The following ZSWIM9 variants were observed in gnomAD, a reference collection of about 807,000 sequenced individuals.
ZSWIM9 encodes the protein zinc finger SWIM-type containing 9.
ZSWIM9 carries 11 observed loss-of-function variants against 25.0 expected under a neutral mutation model. The observed-to-expected ratio is 0.44, with a 90% CI of 0.28 to 0.73. The LOEUF (loss-of-function observed/expected upper bound fraction) is 0.73. Among genes scored for constraint, ZSWIM9 ranks in the 30% least tolerant of loss-of-function variants. ZSWIM9 has a pLI of 0.16. For synonymous variants in ZSWIM9, 562 were observed against 582.1 expected, an observed-to-expected ratio of 0.97 and a Z score of 0.50; for missense variants, 1,070 against 1,296.5, an observed-to-expected ratio of 0.83 and a Z score of 2.68.
At position 48,194,994 on chromosome 19, in the gene ZSWIM9, C is replaced by A; in HGVS notation, c.930C>A (p.Pro310=). 1 of 1,342,952 alleles carries A rather than the reference C, an allele frequency of 7.4e-7. No individual in the cohort carries two copies. Among genetic ancestry groups the A allele is most frequent in the Non-Finnish European group, 9.5e-7 (1 of 1,052,828 alleles). 83.2% of individuals were successfully genotyped at this position (1,342,952 alleles called of 1,614,324 possible). Residue 310 remains proline (P), a synonymous_variant, in exon 4 of 4, where the codon CCC becomes CCA. Transcript: ENST00000614654. The surrounding 1 kb of genome is among the most constrained non-coding windows in gnomAD (Gnocchi z 6.0). ...TGCCTGCAGTGCGCCAGCTGCTGCCCTGCGCGCGCGTGCAGATCTGCCGCG... is the reference window on the plus strand; with the variant it reads ...TGCCTGCAGTGCGCCAGCTGCTGCCATGCGCGCGCGTGCAGATCTGCCGCG... ...AQLPAVRQLL[P]CARVQICRAQ... is the part of the protein sequence containing the mutation.
chr19:48,186,492 G>C (rs2037013209), intron 3 of ZSWIM9: 1 of 152,976 alleles, frequency 6.5e-6, no homozygotes, highest in African/African-American at 2.4e-5. Context: ...GTAGAGACGA[G>C]GTTTCACCAT....
In ZSWIM9 at chr19:48,194,931, G is replaced by C; in HGVS notation, c.867G>C (p.Val289=). ...LQSAPDVKGR[V]RCLTAGPEVA... is the part of the protein sequence containing the mutation. ...GCGCGCCAGACGTCAAGGGCCGCGT[G>C]CGCTGCCTCACCGCCGGGCCCGAGG... is the stretch of plus-strand genomic sequence containing the variant. Residue 289 remains valine (V), a synonymous_variant, in exon 4 of 4, where the codon GTG becomes GTC. Transcript: ENST00000614654. This position sits in a 1 kb window ranked among gnomAD's most constrained non-coding sequence, Gnocchi z 6.0. 1 of 1,321,236 alleles carries C rather than the reference G, an allele frequency of 7.6e-7. No individual in the cohort carries two copies. Among genetic ancestry groups the C allele is most frequent in the Non-Finnish European group, 9.6e-7 (1 of 1,037,054 alleles). The allele number at this position is 1,321,236 out of a possible 1,614,324, so 81.8% of individuals were successfully genotyped here.
rs2037177516 is a variant in ZSWIM9 at position 48,197,145 on chromosome 19, G to A, written c.*318G>A. The A allele has an allele frequency of 5.8e-6, 4 of 692,970 alleles. No homozygotes were observed. Among genetic ancestry groups the A allele is most frequent in the Non-Finnish European group, 7.9e-6 (3 of 380,476 alleles). 42.9% of individuals were successfully genotyped at this position (692,970 alleles called of 1,614,324 possible). ...GGACAGAAGGAAGGAAAGGGGCAGA[G>A]CTGGGGGGAGGGGGAGGAAGCGATC... is the stretch of plus-strand genomic sequence containing the variant. On this transcript the variant is annotated 3_prime_UTR_variant, in exon 4 of 4. Transcript: ENST00000614654.
At chr19:48,171,561 G>A (rs1186303661) in intron 1 of ZSWIM9, among the ~76,000 whole-genome samples, 1 of 152,122 alleles carries the variant, frequency 6.6e-6, no homozygotes, top group Non-Finnish European at 1.5e-5. Flanking sequence ...GTTGGAATTA[G>A]GAATCAAGAT....
In ZSWIM9 at chr19:48,195,064, G is replaced by A; in HGVS notation, c.1000G>A (p.Gly334Ser). The A allele has an allele frequency of 1.5e-6, 2 of 1,372,706 alleles. No homozygotes were observed. The highest frequency in any genetic ancestry group is 1.9e-6 in the Non-Finnish European group (2 of 1,071,924). The allele number at this position is 1,372,706 out of a possible 1,614,324, so 85.0% of individuals were successfully genotyped here. ...TLFSKAQELG[G>S]AGREDPGLWS... ...CTTCAGCAAGGCGCAGGAGCTGGGC[G>A]GCGCCGGCCGCGAGGACCCGGGCCT... Residue 334 changes from glycine (G) to serine (S), a missense_variant, in exon 4 of 4, where the codon GGC becomes AGC. Coordinates refer to ENST00000614654, the MANE Select transcript of ZSWIM9 (RefSeq NM_199341.4). This position sits in a 1 kb window ranked among gnomAD's most constrained non-coding sequence, Gnocchi z 5.8.
chr19:48,181,734 A>G (rs1387737639), intron 2 of ZSWIM9: 9 of 152,198 alleles, frequency 5.9e-5, no homozygotes, highest in Admixed American at 5.2e-4. Context: ...GTCCTCATCA[A>G]CACTTGATGT....
chr19:48,187,450 T>TAC (rs1351918551), intron 3 of ZSWIM9, among the ~76,000 whole-genome samples: 1 of 103,972 alleles, frequency 9.6e-6, no homozygotes, highest in African/African-American at 3.8e-5. Context: ...ATATTATATA[T>TAC]TATATATTAA....
rs1379090278 is a variant in ZSWIM9, at chr19:48,196,993, C to A, written c.*166C>A. 3 of 663,850 alleles carry A rather than the reference C, an allele frequency of 4.5e-6. No individual in the cohort carries two copies. The highest frequency in any genetic ancestry group is 6.9e-6 in the Non-Finnish European group (3 of 436,216). The allele number at this position is 663,850 out of a possible 1,614,324, so 41.1% of individuals were successfully genotyped here. On this transcript the variant is annotated 3_prime_UTR_variant, in exon 4 of 4. Coordinates refer to ENST00000614654, the MANE Select transcript of ZSWIM9 (RefSeq NM_199341.4). ...CAGTTTGCCTCTCTGGGTCCAAGGG[C>A]AAGCTGTAAGTGGTCTCTGAGGTCC...
At chr19:48,183,060 G>A (rs968150447) in intron 3 of ZSWIM9, 2 of 422,442 alleles carry the variant, frequency 4.7e-6, no homozygotes, top group East Asian at 4.6e-5. Flanking sequence ...AGTGGCTACT[G>A]AGCACTTGAA....
At position 48,196,966 on chromosome 19, in the gene ZSWIM9, G is replaced by A. The variant is rs1449238645; in HGVS notation, c.*139G>A. The A allele has an allele frequency of 2.2e-6, 2 of 901,342 alleles. No homozygotes were observed. Among genetic ancestry groups the A allele is most frequent in the East Asian group, 6.0e-5 (2 of 33,324 alleles). 55.8% of individuals were successfully genotyped at this position (901,342 alleles called of 1,614,324 possible). On this transcript the variant is annotated 3_prime_UTR_variant, in exon 4 of 4. Coordinates refer to ENST00000614654, the MANE Select transcript of ZSWIM9 (RefSeq NM_199341.4). ...CTGGGTCATCCAGGGACCTCCTCATGGCAGTTTGCCTCTCTGGGTCCAAGG... is the reference window on the plus strand; with the variant it reads ...CTGGGTCATCCAGGGACCTCCTCATAGCAGTTTGCCTCTCTGGGTCCAAGG...
At chr19:48,179,742 C>T (rs145283271) in intron 2 of ZSWIM9, among the ~76,000 whole-genome samples, 3 of 152,284 alleles carry the variant, frequency 2.0e-5, no homozygotes, top group African/African-American at 2.4e-5. Flanking sequence ...TTTGAAAATC[C>T]GAGTGAAAAG....
In ZSWIM9 at chr19:48,195,885, C is replaced by T. The variant is rs1396222178; in HGVS notation, c.1821C>T (p.Thr607=). 7.1e-7 allele frequency: 1 copy of T among 1,400,736 alleles called. No individual in the cohort carries two copies. Among genetic ancestry groups the T allele is most frequent in the Non-Finnish European group, 9.2e-7 (1 of 1,082,164 alleles). 86.8% of individuals were successfully genotyped at this position (1,400,736 alleles called of 1,614,324 possible). The change falls in exon 4 of 4, where the codon ACC becomes ACT. Residue 607 remains threonine (T), a synonymous_variant. Transcript: ENST00000614654. The surrounding 1 kb of genome is among the most constrained non-coding windows in gnomAD (Gnocchi z 5.8). ...AGCTGGAAGATCGCAGGAGTACCACCGACCTGAGGGGGACCCAGTTTGACT... is the reference window on the plus strand; with the variant it reads ...AGCTGGAAGATCGCAGGAGTACCACTGACCTGAGGGGGACCCAGTTTGACT... ...VAQLEDRRST[T]DLRGTQFDYE... is the part of the protein sequence containing the mutation.
intron 2 of ZSWIM9, among the ~76,000 whole-genome samples, chr19:48,172,536 CAG>C (rs2036850773): frequency 6.6e-6 from 1 of 151,984 alleles, no homozygotes; most frequent in African/African-American, 2.4e-5. Context: ...TTTTTTGAGA[CAG>C]AGTCTTGCTC....
chr19:48,192,163 G>A (rs2037100741), intron 3 of ZSWIM9, among the ~76,000 whole-genome samples: 1 of 151,640 alleles, frequency 6.6e-6, no homozygotes, highest in African/African-American at 2.4e-5. Flanking sequence ...CTCACTCAGT[G>A]GTGTGTCTCA....
In ZSWIM9 at chr19:48,195,180, C is replaced by T; in HGVS notation, c.1116C>T (p.Ala372=). The change falls in exon 4 of 4, where the codon GCC becomes GCT. Residue 372 remains alanine, a synonymous_variant. Transcript: ENST00000614654. This position sits in a 1 kb window ranked among gnomAD's most constrained non-coding sequence, Gnocchi z 5.8. ...LAELHAHGPA[A]FVDYFERNWE... ...AGCTCCACGCCCACGGCCCAGCCGC[C>T]TTCGTGGACTACTTCGAGCGCAACT... The T allele has an allele frequency of 6.6e-7, 1 of 1,523,352 alleles. No individual in the cohort carries two copies. Among genetic ancestry groups the T allele is most frequent in the South Asian group, 1.2e-5 (1 of 83,860 alleles). 94.4% of individuals were successfully genotyped at this position (1,523,352 alleles called of 1,614,324 possible). A position where few individuals can be genotyped will look rare whatever the true frequency, so the allele number is the denominator to read the frequency against.
intron 3 of ZSWIM9, among the ~76,000 whole-genome samples, chr19:48,193,697 CAG>C (rs1409923434): frequency 5.3e-5 from 8 of 152,218 alleles, no homozygotes. Flanking sequence ...GATGTTTGAA[CAG>C]AGACGATAAT....
rs545624713 is a variant in ZSWIM9, at chr19:48,196,332, G to A, written c.2268G>A (p.Gly756=). ...GGATGGAGTGGGGAGACGCAGGAGG[G>A]CGGTGTCTAGGGCTGGGGAATGGAG... ...GRGMEWGDAG[G]RCLGLGNGVV... is the part of the protein sequence containing the mutation. The change falls in exon 4 of 4, where the codon GGG becomes GGA. Residue 756 remains glycine (G), a synonymous_variant. Transcript: ENST00000614654. 1.6e-6 allele frequency: 2 copies of A among 1,233,476 alleles called. No homozygotes were observed. Among genetic ancestry groups the A allele is most frequent in the East Asian group, 3.2e-5 (1 of 31,730 alleles). The allele number at this position is 1,233,476 out of a possible 1,614,324, so 76.4% of individuals were successfully genotyped here. A position where few individuals can be genotyped will look rare whatever the true frequency, so the allele number is the denominator to read the frequency against.
rs1179205966 is a variant in ZSWIM9 at position 48,197,257 on chromosome 19, TGAA to T, written c.*432_*434del. Reference sequence around the variant, plus strand: ...AAAGGGAGAAAGTACAGAAGACAGATGAAGGAGAGGAGGTAAGCGAGAAAAAAT... The same window carrying T: ...AAAGGGAGAAAGTACAGAAGACAGATGGAGAGGAGGTAAGCGAGAAAAAAT... On this transcript the variant is annotated 3_prime_UTR_variant, in exon 4 of 4. Transcript: ENST00000614654. 4.3e-6 allele frequency: 3 copies of T among 697,028 alleles called. No homozygotes were observed. The highest frequency in any genetic ancestry group is 1.5e-5 in the South Asian group (1 of 67,278). The allele number at this position is 697,028 out of a possible 1,614,324, so 43.2% of individuals were successfully genotyped here.
At chr19:48,172,882 A>G (rs1352234497) in intron 2 of ZSWIM9, among the ~76,000 whole-genome samples, 1 of 134,826 alleles carries the variant, frequency 7.4e-6, no homozygotes, top group Non-Finnish European at 1.7e-5. Context: ...AAGAGGAGAA[A>G]ATAGTCACGG....
Sources: gnomAD v4.1 joint callset for allele counts (sites outside exome capture counted in the v4.1 genomes callset) on GRCh38, gnomAD v4.1.1 for gene constraint, Gnocchi (gnomAD v3.1) non-coding constraint, MANE v1.5 for transcripts, NCBI Gene and HGNC (gene_info 2026-07-23, HGNC 2026-07-21) for gene names.